LRGUK: variants seen among roughly 807,000 people sequenced by gnomAD.
LRGUK encodes the protein leucine-rich repeat and guanylate kinase domain-containing protein.
A neutral mutation model predicts 76.0 loss-of-function variants in LRGUK; 65 were observed. The ratio of observed to expected loss-of-function variants is 0.85; its 90% confidence interval spans 0.70 to 1.05. The LOEUF (loss-of-function observed/expected upper bound fraction) is 1.05. Ranked by LOEUF, LRGUK falls within the 50% of genes least tolerant of loss-of-function variation. The probability of loss-of-function intolerance (pLI) is 0.00; values close to 1 mark genes in which losing one functional copy is unlikely to be tolerated. For synonymous variants in LRGUK, 268 were observed against 265.6 expected (o/e 1.01, Z -0.09); for missense variants, 758 against 732.8 (o/e 1.03, Z -0.40).
intron 5 of LRGUK, among the ~76,000 whole-genome samples, chr7:134,155,295 T>C (rs185659828): frequency 6.6e-6 from 1 of 152,328 alleles, no homozygotes; most frequent in Admixed American, 6.5e-5. Context: ...AAAGATCTGG[T>C]CTTTGTTCTA....
chr7:134,173,926 T>C (rs1011429363), intron 7 of LRGUK, among the ~76,000 whole-genome samples: 8 of 152,060 alleles, frequency 5.3e-5, no homozygotes, highest in African/African-American at 1.9e-4. Flanking sequence ...CTGGCCAGCA[T>C]GGTGAAACCC....
chr7:134,212,031 T>C (rs1801295429), downstream of LRGUK, among the ~76,000 whole-genome samples: 2 of 152,192 alleles, frequency 1.3e-5, no homozygotes, highest in Non-Finnish European at 2.9e-5. Flanking sequence ...ACTCTATCAG[T>C]TTCTGCACAT....
At chr7:134,227,536 A>G (rs932392740) in intron 16 of LRGUK, among the ~76,000 whole-genome samples, 5 of 152,208 alleles carry the variant, frequency 3.3e-5, no homozygotes, top group African/African-American at 9.6e-5. Context: ...TAAAAATAAC[A>G]GAATCCCCAG....
At chr7:134,148,361 A>G in intron 5 of LRGUK, 42 bp downstream of exon 5, 1 of 1,188,534 alleles carries the variant, frequency 8.4e-7, no homozygotes, top group South Asian at 1.3e-5. Context: ...TAAAAACAAT[A>G]TAAAAATTAA....
At chr7:134,235,670 G>A (rs1442279572) in intron 16 of LRGUK, among the ~76,000 whole-genome samples, 1 of 152,102 alleles carries the variant, frequency 6.6e-6, no homozygotes, top group Non-Finnish European at 1.5e-5. Context: ...GTTACTCCCT[G>A]ATGTATTCAT....
chr7:134,262,482 T>C (rs1270507717), intron 19 of LRGUK, among the ~76,000 whole-genome samples: 1 of 152,252 alleles, frequency 6.6e-6, no homozygotes, highest in African/African-American at 2.4e-5. Flanking sequence ...GTGGATGAAT[T>C]ATCTAAGGGT....
At chr7:134,166,631 C>T (rs1170475743) in intron 7 of LRGUK, among the ~76,000 whole-genome samples, 1 of 152,176 alleles carries the variant, frequency 6.6e-6, no homozygotes, top group African/African-American at 2.4e-5. Context: ...AATAACAGTG[C>T]TCCTCCCAGA....
intron 16 of LRGUK, among the ~76,000 whole-genome samples, chr7:134,237,647 T>C (rs1262051425): frequency 6.6e-6 from 1 of 152,168 alleles, no homozygotes. Context: ...GTCCCAGACC[T>C]GGAATCAGTC....
chr7:134,203,420 C>T (rs1800870652), intron 15 of LRGUK, among the ~76,000 whole-genome samples: 1 of 152,140 alleles, frequency 6.6e-6, no homozygotes, highest in Non-Finnish European at 1.5e-5. Context: ...AGGTTGCATC[C>T]TGGCAGACTG....
chr7:134,138,277 GAT>G, intron 2 of LRGUK, among the ~76,000 whole-genome samples: 1 of 152,138 alleles, frequency 6.6e-6, no homozygotes. Context: ...ATTTCAGCTG[GAT>G]GGACTGAAGC....
At chr7:134,148,644 A>T (rs1798076813) in intron 5 of LRGUK, among the ~76,000 whole-genome samples, 1 of 152,112 alleles carries the variant, frequency 6.6e-6, no homozygotes, top group African/African-American at 2.4e-5. Flanking sequence ...CTCCTTTCTC[A>T]GTCGGGTGCG....
intron 17 of LRGUK, 59 bp from the exon 18 acceptor site, chr7:134,248,892 C>T: frequency 7.6e-7 from 1 of 1,316,662 alleles, no homozygotes. Flanking sequence ...CATGTGTGTA[C>T]ACTTGGTATC....
At chr7:134,247,392 CT>C (rs1802330358) in intron 16 of LRGUK, among the ~76,000 whole-genome samples, 163 bp from the exon 17 acceptor site, 1 of 152,000 alleles carries the variant, frequency 6.6e-6, no homozygotes, top group African/African-American at 2.4e-5. Context: ...AAAGTTGGTT[CT>C]TTTCTTTTTC....
In LRGUK at chr7:134,156,264, C is replaced by T. The variant is rs138877409; in HGVS notation, c.671-1771C>T. ...AAATTGCCTGGGCATATTCGTTGTC[C>T]GTTTTTTATTAGGTTGTTTTTTTTT... On this transcript the variant is annotated intron_variant, in intron 5 of 15. Transcript: ENST00000645682. Among the ~76,000 whole-genome samples the T allele has an allele frequency of 9.2e-3, 1,375 of 149,424 alleles. 23 individuals carry two copies. Among genetic ancestry groups the T allele is most frequent in the African/African-American group, 0.032 (1,292 of 40,496 alleles).
At chr7:134,158,070 T>C (rs948446388) in exon 6 of LRGUK, 3 of 1,612,994 alleles carry the variant, frequency 1.9e-6, no homozygotes, top group African/African-American at 2.7e-5. Context: ...ACTAGAGATG[T>C]GCAACAACCT....
chr7:134,148,317 A>G lies in LRGUK; in HGVS notation c.668A>G (p.Asp223Gly), dbSNP rs756405898. ...CATGCTCTCACTAAACTAATTTTGGATGGTATCCTTTGAATAAGTAAAGGG... is the reference window on the plus strand; with the variant it reads ...CATGCTCTCACTAAACTAATTTTGGGTGGTATCCTTTGAATAAGTAAAGGG... The change falls in exon 5 of 16, where the codon GAT becomes GGT. Residue 223 changes from aspartate to glycine, a missense_variant and splice_region_variant. Asp to Gly is a moderately conservative substitution (Grantham distance 94). Transcript: ENST00000645682. The G allele has an allele frequency of 6.4e-7, 1 of 1,566,896 alleles. No homozygotes were observed. The highest frequency in any genetic ancestry group is 8.7e-7 in the Non-Finnish European group (1 of 1,152,556).
intron 15 of LRGUK, among the ~76,000 whole-genome samples, chr7:134,219,724 G>C (rs1408305448): frequency 1.3e-5 from 2 of 151,660 alleles, no homozygotes; most frequent in Non-Finnish European, 1.5e-5. Flanking sequence ...CTCTCTCTCT[G>C]TTTCTGCCTC....
downstream of LRGUK, among the ~76,000 whole-genome samples, chr7:134,269,116 A>C (rs1802914361): frequency 1.3e-5 from 2 of 152,128 alleles, 1 homozygote; most frequent in South Asian, 4.1e-4. Context: ...ACAAAGAGCT[A>C]CTACCAATCT....
At position 134,143,054 on chromosome 7, in the gene LRGUK, C is replaced by T; in HGVS notation, c.488-8C>T. The T allele has an allele frequency of 6.8e-7, 1 of 1,469,284 alleles. No individual in the cohort carries two copies. The highest frequency in any genetic ancestry group is 9.5e-7 in the Non-Finnish European group (1 of 1,049,106). The allele number at this position is 1,469,284 out of a possible 1,614,324, so 91.0% of individuals were successfully genotyped here. ...CTTACCTTATTCTGTATCTGTTTCC[C>T]TCCGTAGATTTATCTTGTGTGAGTT... On this transcript the variant is annotated splice_polypyrimidine_tract_variant and splice_region_variant and intron_variant, in intron 3 of 15. Transcript: ENST00000645682.
Sources: allele counts gnomAD v4.1 joint callset (sites outside exome capture counted in the v4.1 genomes callset), GRCh38; gene constraint gnomAD v4.1.1; transcripts MANE v1.5; gene names NCBI Gene and HGNC (gene_info 2026-07-23, HGNC 2026-07-21).